The following PIGT variants were observed in gnomAD, a reference collection of about 807,000 sequenced individuals.
PIGT encodes GPI-anchor transamidase component PIGT.
Under a neutral mutation model 66.7 loss-of-function variants are expected in PIGT, and 57 were observed. The observed-to-expected ratio is 0.86, with a 90% CI of 0.69 to 1.07. The LOEUF is 1.07. Among genes scored for constraint, PIGT ranks in the 50% least tolerant of loss-of-function variants. The probability of loss-of-function intolerance (pLI) is 0.00; values close to 1 mark genes in which losing one functional copy is unlikely to be tolerated. For synonymous variants in PIGT, 362 were observed against 320.5 expected (o/e 1.13, Z -1.38); for missense variants, 725 against 740.4 (o/e 0.98, Z 0.24).
At chr20:45,422,500 G>A (rs1211234152) in intron 9 of PIGT, 1 of 150,434 alleles carries the variant, frequency 6.6e-6, no homozygotes, top group Non-Finnish European at 1.5e-5. Context: ...ATGCCGGAGT[G>A]CAGTGGCATG....
In PIGT at chr20:45,425,614, T is replaced by C. The variant is rs1341215960; in HGVS notation, c.1525T>C (p.Tyr509His). The C allele has an allele frequency of 6.2e-7, 1 of 1,613,912 alleles. No individual in the cohort carries two copies. The highest frequency in any genetic ancestry group is 8.5e-7 in the Non-Finnish European group (1 of 1,179,844). ...SDGSNYFVRL[Y>H]TEPLLVNLPT... is the part of the protein sequence containing the mutation. Reference sequence around the variant, plus strand: ...TGGCTCTAACTACTTTGTGCGGCTCTACACGGAGCCGCTGCTGGTGAACCT... The same window carrying C: ...TGGCTCTAACTACTTTGTGCGGCTCCACACGGAGCCGCTGCTGGTGAACCT... Residue 509 changes from tyrosine to histidine, a missense_variant, in exon 12 of 12, where the codon TAC becomes CAC. Physicochemically the swap from Tyr to His is moderately conservative, Grantham distance 83. Transcript: ENST00000279036.
chr20:45,416,753 T>C, intron 2 of PIGT, 59 bp downstream of exon 2: 1 of 1,466,334 alleles, frequency 6.8e-7, no homozygotes, highest in Non-Finnish European at 9.2e-7. Flanking sequence ...TGGGAGAGTG[T>C]TGTCATCCTG....
chr20:45,416,464 G>A, intron 1 of PIGT, 53 bp from the exon 2 acceptor site: 1 of 1,590,122 alleles, frequency 6.3e-7, no homozygotes, highest in South Asian at 1.1e-5. Flanking sequence ...GGGATCCTGG[G>A]TGTGGACCCC....
rs1990349013 is a variant in PIGT, at chr20:45,421,324, G to A, written c.1034-59G>A. ...GACTCTGAACATGGCCTGGGCAGGT[G>A]GGGTGGGGAGTGATTCTTACCTTTG... On this transcript the variant is annotated intron_variant, in intron 8 of 11. Coordinates refer to ENST00000279036, the MANE Select transcript of PIGT (RefSeq NM_015937.6). 5.5e-6 allele frequency: 8 copies of A among 1,442,468 alleles called. 1 individual carries two copies. In the South Asian group the frequency reaches 1.0e-4, roughly 19 times the overall value. The allele number at this position is 1,442,468 out of a possible 1,614,324, so 89.4% of individuals were successfully genotyped here. A position where few individuals can be genotyped will look rare whatever the true frequency, so the allele number is the denominator to read the frequency against.
rs772341021 is a variant in PIGT at position 45,419,432 on chromosome 20, T to C, written c.594+37T>C. 7 of 1,465,840 alleles carry C rather than the reference T, an allele frequency of 4.8e-6. No individual in the cohort carries two copies. The East Asian group carries it at 1.6e-4, about 33-fold the overall frequency. 90.8% of individuals were successfully genotyped at this position (1,465,840 alleles called of 1,614,324 possible). On this transcript the variant is annotated intron_variant, in intron 4 of 11. Transcript: ENST00000279036. ...GAGCCTGGCAGCCGGGGGCGGGGGG[T>C]GTATAGAGAACCTGCGCCCCATGCC...
At position 45,419,334 on chromosome 20, in the gene PIGT, G is replaced by C. The variant is rs80158178; in HGVS notation, c.533G>C (p.Arg178Pro). Residue 178 changes from arginine (R) to proline (P), a missense_variant, in exon 4 of 12, where the codon CGG becomes CCG. Physicochemically the swap from Arg to Pro is moderately radical, Grantham distance 103. This residue lies in a region of PIGT where 559 missense variants were observed against 552.7 expected (regional missense o/e 1.01). Coordinates refer to ENST00000279036, the MANE Select transcript of PIGT (RefSeq NM_015937.6). The stretch of plus-strand genomic sequence containing the variant: ...TTTCTGCGCTATGCTGTGCTGCCGC[G>C]GGAGGTGGTCTGCACCGAAAACCTC... ...HYFLRYAVLP[R>P]EVVCTENLTP... 2 of 1,613,992 alleles carry C rather than the reference G, an allele frequency of 1.2e-6. No homozygotes were observed. Among genetic ancestry groups the C allele is most frequent in the African/African-American group, 2.7e-5 (2 of 74,934 alleles).
chr20:45,424,021 T>C, intron 9 of PIGT, 195 bp from the exon 10 acceptor site: 1 of 600,932 alleles, frequency 1.7e-6, no homozygotes, highest in South Asian at 1.9e-5. Context: ...CTTGATCGCA[T>C]CCTGGGATCA....
intron 3 of PIGT, 128 bp from the exon 4 acceptor site, chr20:45,419,167 T>C (rs376361921): frequency 3.8e-6 from 4 of 1,055,170 alleles, no homozygotes; most frequent in Non-Finnish European, 4.2e-6. Context: ...CTACTCCCAG[T>C]TGGGACTGTC....
In PIGT at chr20:45,424,229, C is replaced by G. The variant is rs1347015858; in HGVS notation, c.1248C>G (p.Tyr416Ter). ...GCATGTCTCCAGGTTACATCCACTA[C>G]CAGCCTGCCCAGGACCGGCTGCAAC... ...GKENKPSYIH[Y>*]QPAQDRLQPH... The change falls in exon 10 of 12, where the codon TAC becomes TAG. Residue 416 changes from tyrosine to a stop codon, truncating the protein, a stop_gained. Transcript: ENST00000279036. LOFTEE classifies it high-confidence loss of function. 1.2e-6 allele frequency: 2 copies of G among 1,613,992 alleles called. No individual in the cohort carries two copies. Among genetic ancestry groups the G allele is most frequent in the East Asian group, 4.5e-5 (2 of 44,892 alleles).
intron 9 of PIGT, chr20:45,421,940 A>T (rs1465066234): frequency 5.8e-6 from 1 of 172,126 alleles, no homozygotes; most frequent in Non-Finnish European, 1.2e-5. Flanking sequence ...TAGGCTTTTG[A>T]AGCTAGGAAG....
At position 45,421,529 on chromosome 20, in the gene PIGT, C is replaced by T. The variant is rs774366478; in HGVS notation, c.1180C>T (p.Arg394Trp). The part of the protein sequence containing the change: ...LLLDTVPWYL[R>W]LYVHTLTITS... Reference sequence around the variant, plus strand: ...GCTGGACACCGTACCCTGGTATCTGCGGCTGTATGTGCACACCCTCACCAT... The same window carrying T: ...GCTGGACACCGTACCCTGGTATCTGTGGCTGTATGTGCACACCCTCACCAT... The change falls in exon 9 of 12, where the codon CGG becomes TGG. Residue 394 changes from arginine to tryptophan, a missense_variant. By Grantham distance (101) the Arg-to-Trp change is moderately radical (BLOSUM62 -3). This residue lies in a region of PIGT where 559 missense variants were observed against 552.7 expected (regional missense o/e 1.01). Transcript: ENST00000279036. 76 of 1,613,994 alleles carry T rather than the reference C, an allele frequency of 4.7e-5. No individual in the cohort carries two copies. In the South Asian group the frequency reaches 5.2e-4, roughly 11 times the overall value.
intron 3 of PIGT, 148 bp downstream of exon 3, chr20:45,419,127 C>T (rs191884160): frequency 5.3e-6 from 6 of 1,132,932 alleles, no homozygotes; most frequent in Admixed American, 1.9e-5. Flanking sequence ...GCCATCTCTG[C>T]ATGCCTTTTC....
At chr20:45,420,282 G>A in intron 6 of PIGT, 50 bp from the exon 7 acceptor site, 1 of 1,588,156 alleles carries the variant, frequency 6.3e-7, no homozygotes, top group Non-Finnish European at 8.6e-7. Flanking sequence ...TTATCTATGT[G>A]GACTAGGCCT....
chr20:45,420,402 C>A lies in PIGT; in HGVS notation c.840C>A (p.Val280=). Residue 280 remains valine, a synonymous_variant, in exon 7 of 12, where the codon GTC becomes GTA. Transcript: ENST00000279036. ...EPCPLASESR[V]YVDITTYNQD... Reference sequence around the variant, plus strand: ...GCCCCCTGGCTTCAGAGAGCCGAGTCTATGTGGACATCACCACCTACAACC... The same window carrying A: ...GCCCCCTGGCTTCAGAGAGCCGAGTATATGTGGACATCACCACCTACAACC... 1 of 1,613,650 alleles carries A rather than the reference C, an allele frequency of 6.2e-7. No individual in the cohort carries two copies. The highest frequency in any genetic ancestry group is 1.1e-5 in the South Asian group (1 of 91,022).
chr20:45,416,679 A>C lies in PIGT; in HGVS notation c.350A>C (p.Gln117Pro). The C allele has an allele frequency of 6.2e-7, 1 of 1,613,320 alleles. No individual in the cohort carries two copies. The highest frequency in any genetic ancestry group is 8.5e-7 in the Non-Finnish European group (1 of 1,179,834). ...PSGAELWVWF[Q>P]DTVTDVDKSW... ...GGTGCAGAGCTGTGGGTCTGGTTCC[A>C]AGACACTGTCACTGAGTGAGTGCAC... Residue 117 changes from glutamine (Q) to proline (P), a missense_variant, in exon 2 of 12, where the codon CAA (glutamine) becomes CCA (proline). Physicochemically the swap from Gln to Pro is moderately conservative, Grantham distance 76. Transcript: ENST00000279036.
Position 45,418,885 on chromosome 20 carries a change from C to T in PIGT, c.399C>T (p.Val133=), listed in dbSNP as rs1408106544. 6.2e-7 allele frequency: 1 copy of T among 1,614,038 alleles called. No individual in the cohort carries two copies. Among genetic ancestry groups the T allele is most frequent in the Non-Finnish European group, 8.5e-7 (1 of 1,179,928 alleles). ...AATCTTGGAAGGAGCTCAGTAATGT[C>T]CTCTCAGGGATCTTCTGCGCCTCTC... ...VDKSWKELSN[V]LSGIFCASLN... The change falls in exon 3 of 12, where the codon GTC becomes GTT. Residue 133 remains valine (V), a synonymous_variant. Transcript: ENST00000279036.
At chr20:45,416,432 G>C in intron 1 of PIGT, 85 bp from the exon 2 acceptor site, 1 of 1,562,030 alleles carries the variant, frequency 6.4e-7, no homozygotes, top group Non-Finnish European at 8.7e-7. Context: ...TGGGGGCGGG[G>C]CCTAATTCCT....
Position 45,420,973 on chromosome 20 carries a change from CT to C in PIGT, c.1033+284del, listed in dbSNP as rs201973854. 906 of 542,678 alleles carry C rather than the reference CT, an allele frequency of 1.7e-3. 20 individuals are homozygous for C. In the East Asian group the frequency reaches 0.023, roughly 14 times the overall value. 33.6% of individuals were successfully genotyped at this position (542,678 alleles called of 1,614,324 possible). ...ATGCATTTGCTTAATCAACCAAATA[CT>C]TTTGAATTCATACTAAGTGCCAGGC... On this transcript the variant is annotated intron_variant, in intron 8 of 11. Coordinates refer to ENST00000279036, the MANE Select transcript of PIGT (RefSeq NM_015937.6).
At chr20:45,425,205 TTCTC>T (rs1201786417) in intron 11 of PIGT, 1 of 137,456 alleles carries the variant, frequency 7.3e-6, no homozygotes. Context: ...CTTTCTTTCT[TTCTC>T]TTTCTTTCTT....
Sources: allele counts gnomAD v4.1 joint callset, GRCh38; gene constraint gnomAD v4.1.1; regional missense constraint gnomAD v4.1.1; transcripts MANE v1.5; gene names NCBI Gene and HGNC (gene_info 2026-07-23, HGNC 2026-07-21).